KCNIP1: variants seen among roughly 807,000 people sequenced by gnomAD.
KCNIP1 encodes the protein A-type potassium channel modulatory protein KCNIP1.
KCNIP1 carries 18 observed loss-of-function variants against 33.0 expected under a neutral mutation model. That is an observed-to-expected ratio of 0.55 (90% CI 0.38 to 0.81). KCNIP1 has a LOEUF of 0.81. Among genes scored for constraint, KCNIP1 ranks in the 30% least tolerant of loss-of-function variants. The pLI, the probability that KCNIP1 is intolerant of heterozygous loss-of-function variation, is 0.00. For synonymous variants in KCNIP1, 93 were observed against 98.3 expected (o/e 0.95, Z 0.32); for missense variants, 238 against 271.6 (o/e 0.88, Z 0.87).
intron 1 of KCNIP1, among the ~76,000 whole-genome samples, chr5:170,545,603 T>C (rs978859510): frequency 1.3e-5 from 2 of 152,210 alleles, no homozygotes; most frequent in African/African-American, 4.8e-5. Context: ...ATTTTACCTA[T>C]TGTTCTGTCT....
At chr5:170,388,089 AC>A (rs781422030) in intron 1 of KCNIP1, among the ~76,000 whole-genome samples, 15 of 152,040 alleles carry the variant, frequency 9.9e-5, no homozygotes, top group Non-Finnish European at 2.2e-4. Flanking sequence ...GCCCCTGGGC[AC>A]TCCTGAGGCT....
intron 1 of KCNIP1, among the ~76,000 whole-genome samples, chr5:170,697,120 T>C (rs976419833): frequency 2.0e-5 from 3 of 151,866 alleles, no homozygotes; most frequent in African/African-American, 7.3e-5. Flanking sequence ...TTCCTTCCTA[T>C]CTAGTCAGAT....
rs375748594 is a variant in KCNIP1, at chr5:170,719,274, C to T, written c.186+392C>T. Among the ~76,000 whole-genome samples the T allele has an allele frequency of 1.1e-4, 16 of 151,958 alleles. No homozygotes were observed. In the East Asian group the frequency reaches 2.7e-3, roughly 26 times the overall value. ...CGAGACTGATGTGTAAGCCGAATGT[C>T]GGTGTATTAATTTACCTTGGGAAAT... On this transcript the variant is annotated intron_variant, in intron 2 of 7. Coordinates refer to ENST00000328939, the MANE Select transcript of KCNIP1 (RefSeq NM_014592.4).
chr5:170,665,275 A>G (rs1426192536), intron 1 of KCNIP1, among the ~76,000 whole-genome samples: 11 of 152,210 alleles, frequency 7.2e-5, no homozygotes, highest in Admixed American at 7.2e-4. Context: ...GGCCAGTTAG[A>G]TACAATAACT....
rs191871575 is a variant in KCNIP1, at chr5:170,386,184, T to C, written c.88+32220T>C. On this transcript the variant is annotated intron_variant, in intron 1 of 7. Transcript: ENST00000377360. ...CTTGAAATGGGGAGACAATATTGGATTATCCATGTAGCTCCTAAATGTAAT... is the reference window on the plus strand; with the variant it reads ...CTTGAAATGGGGAGACAATATTGGACTATCCATGTAGCTCCTAAATGTAAT... Among the ~76,000 whole-genome samples the C allele has an allele frequency of 4.0e-5, 6 of 151,672 alleles. No individual in the cohort carries two copies. In the East Asian group the frequency reaches 1.2e-3, roughly 29 times the overall value.
At chr5:170,365,400 G>C (rs1047367911) in intron 1 of KCNIP1, among the ~76,000 whole-genome samples, 2 of 152,198 alleles carry the variant, frequency 1.3e-5, no homozygotes, top group Non-Finnish European at 2.9e-5. Context: ...GGACATGAGG[G>C]GTTAATTAAG....
intron 1 of KCNIP1, among the ~76,000 whole-genome samples, chr5:170,550,577 T>C (rs1756583920): frequency 1.3e-5 from 2 of 151,438 alleles, no homozygotes; most frequent in Admixed American, 6.6e-5. Context: ...ATGATGATGG[T>C]GATGATGATG....
intron 1 of KCNIP1, among the ~76,000 whole-genome samples, chr5:170,555,822 T>TCTTATA (rs1756824740): frequency 6.6e-6 from 1 of 152,194 alleles, no homozygotes; most frequent in African/African-American, 2.4e-5. Context: ...AATGGTGACG[T>TCTTATA]ATCTGGTTAT....
chr5:170,720,357 A>T lies in KCNIP1; in HGVS notation c.223A>T (p.Lys75Ter). ...TGGTGTGGTCAACGAAGACACATTCAAGCAGATCTATGCTCAGTTTTTCCC... is the reference window on the plus strand; with the variant it reads ...TGGTGTGGTCAACGAAGACACATTCTAGCAGATCTATGCTCAGTTTTTCCC... ...PSGVVNEDTF[K>*]QIYAQFFPHG... The change falls in exon 3 of 8, where the codon AAG becomes TAG. Residue 75 changes from lysine (K) to a stop codon, truncating the protein, a stop_gained. Transcript: ENST00000328939. LOFTEE classifies it high-confidence loss of function. 6 of 1,614,136 alleles carry T rather than the reference A, an allele frequency of 3.7e-6. No individual in the cohort carries two copies. The highest frequency in any genetic ancestry group is 5.1e-6 in the Non-Finnish European group (6 of 1,179,986).
At chr5:170,478,580 C>T (rs533716772) in intron 1 of KCNIP1, among the ~76,000 whole-genome samples, 2 of 152,074 alleles carry the variant, frequency 1.3e-5, no homozygotes, top group East Asian at 3.9e-4. Flanking sequence ...CAAGACTGTG[C>T]GACTCCACCA....
chr5:170,556,449 C>T (rs1363547660), intron 1 of KCNIP1, among the ~76,000 whole-genome samples: 3 of 152,242 alleles, frequency 2.0e-5, no homozygotes, highest in Admixed American at 6.5e-5. Context: ...CCCTTGTAAG[C>T]ACCTTTAGGT....
intron 1 of KCNIP1, among the ~76,000 whole-genome samples, chr5:170,526,857 G>A (rs1755593200): frequency 6.6e-6 from 1 of 151,848 alleles, no homozygotes; most frequent in South Asian, 2.1e-4. Flanking sequence ...CAAGTAGCTG[G>A]GATTACAGGT....
chr5:170,666,326 T>G (rs930610552), intron 1 of KCNIP1, among the ~76,000 whole-genome samples: 3 of 152,100 alleles, frequency 2.0e-5, no homozygotes, highest in Non-Finnish European at 4.4e-5. Flanking sequence ...TTGTGTGTGT[T>G]TGCGTGTGTG....
chr5:170,698,223 G>A (rs1762967120), intron 1 of KCNIP1, among the ~76,000 whole-genome samples: 1 of 152,114 alleles, frequency 6.6e-6, no homozygotes, highest in African/African-American at 2.4e-5. Context: ...ATGAGACAGG[G>A]GTTAGATCAC....
chr5:170,366,249 A>G (rs921631076), intron 1 of KCNIP1, among the ~76,000 whole-genome samples: 2 of 152,230 alleles, frequency 1.3e-5, no homozygotes, highest in Non-Finnish European at 2.9e-5. Context: ...CTACGGATGA[A>G]AAAATAAGAA....
At chr5:170,673,021 T>C (rs577839453) in intron 1 of KCNIP1, among the ~76,000 whole-genome samples, 1 of 152,378 alleles carries the variant, frequency 6.6e-6, no homozygotes, top group African/African-American at 2.4e-5. Context: ...TCCTGGACTA[T>C]CTATTATAGC....
intron 1 of KCNIP1, among the ~76,000 whole-genome samples, chr5:170,638,431 T>A (rs1760386237): frequency 6.6e-6 from 1 of 152,146 alleles, no homozygotes. Flanking sequence ...GAAAGTTAAG[T>A]AACTTACCCA....
intron 1 of KCNIP1, chr5:170,375,427 C>A (rs1027404967): frequency 2.6e-5 from 4 of 152,308 alleles, no homozygotes; most frequent in African/African-American, 9.6e-5. Flanking sequence ...GATGCTGGTG[C>A]AGATGCCAGG....
chr5:170,539,663 T>C (rs1233889951), intron 1 of KCNIP1, among the ~76,000 whole-genome samples: 2 of 152,168 alleles, frequency 1.3e-5, no homozygotes, highest in African/African-American at 2.4e-5. Flanking sequence ...TCCATTGTCC[T>C]CGCTAGACTT....
Sources: allele counts gnomAD v4.1 joint callset (sites outside exome capture counted in the v4.1 genomes callset), GRCh38; gene constraint gnomAD v4.1.1; transcripts MANE v1.5; gene names NCBI Gene and HGNC (gene_info 2026-07-23, HGNC 2026-07-21).